The following PFKP variants were observed in gnomAD, a reference collection of about 807,000 sequenced individuals.
PFKP encodes the protein ATP-dependent 6-phosphofructokinase, platelet type.
PFKP carries 101 observed loss-of-function variants against 94.3 expected under a neutral mutation model. The ratio of observed to expected loss-of-function variants is 1.07; its 90% CI spans 0.91 to 1.26. PFKP has a LOEUF of 1.26. Ranked by LOEUF, PFKP falls within the 50% of genes most tolerant of loss-of-function variation. The probability of loss-of-function intolerance (pLI) is 0.00; values close to 1 mark genes in which losing one functional copy is unlikely to be tolerated. For missense variants in PFKP, 1,145 were observed against 1,103.3 expected (o/e 1.04, Z -0.53); for synonymous variants, 573 against 432.6 (o/e 1.32, Z -4.03).
In PFKP at chr10:3,104,381, T is replaced by C. The variant is rs144536674; in HGVS notation, c.620+437T>C. ...CCGAGGTGCTCTAGGCTCAGCAGGTTATCACTAAAGACTGTGGGGCGCACC... is the reference window on the plus strand; with the variant it reads ...CCGAGGTGCTCTAGGCTCAGCAGGTCATCACTAAAGACTGTGGGGCGCACC... On this transcript the variant is annotated intron_variant, in intron 5 of 21. Coordinates refer to ENST00000381125, the MANE Select transcript of PFKP (RefSeq NM_002627.5). Among the ~76,000 whole-genome samples, 234 of 152,310 alleles carry C rather than the reference T, an allele frequency of 1.5e-3. 1 individual carries two copies. Among genetic ancestry groups the C allele is most frequent in the Middle Eastern group, 6.8e-3 (2 of 294 alleles).
chr10:3,134,663 A>G, intron 20 of PFKP, 81 bp downstream of exon 20: 2 of 872,248 alleles, frequency 2.3e-6, no homozygotes. Context: ...TATCGGGGAG[A>G]AGTAGGGTGC....
intron 2 of PFKP, among the ~76,000 whole-genome samples, chr10:3,084,877 TCTCCAGCACGGTCCCCCACTC>T (rs1833396160): frequency 7.1e-5 from 1 of 14,028 alleles, no homozygotes; most frequent in Non-Finnish European, 1.3e-4. Context: ...CCCACTCCAC[TCTCCAGCACGGTCCCCCACTC>T]CACTCTCCAG....
At chr10:3,107,952 A>AG in intron 8 of PFKP, 1 of 1,289,712 alleles carries the variant, frequency 7.8e-7, no homozygotes, top group Non-Finnish European at 1.0e-6. Flanking sequence ...ACGGGGCAGA[A>AG]GACGTCCCCA....
intron 16 of PFKP, among the ~76,000 whole-genome samples, chr10:3,128,172 G>A (rs11251736): frequency 3.9e-5 from 6 of 151,906 alleles, no homozygotes; most frequent in Non-Finnish European, 5.9e-5. Context: ...CGCCTGCTGT[G>A]GGGGCTCGGC....
At chr10:3,096,810 G>A (rs1017937193) in intron 2 of PFKP, among the ~76,000 whole-genome samples, 2 of 149,576 alleles carry the variant, frequency 1.3e-5, no homozygotes, top group African/African-American at 2.5e-5. Flanking sequence ...CGGGTGCGGC[G>A]GCTCATGCCT....
At chr10:3,095,802 G>A (rs1436183607) in intron 2 of PFKP, among the ~76,000 whole-genome samples, 3 of 152,152 alleles carry the variant, frequency 2.0e-5, no homozygotes, top group East Asian at 1.9e-4. Context: ...GGTGAAAGAC[G>A]GCTTAGAACT....
At chr10:3,125,399 A>AT (rs147437896) in intron 16 of PFKP, 32,072 of 388,988 alleles carry the variant, frequency 0.082, 2,022 homozygotes, top group Non-Finnish European at 0.094. Context: ...ACAGGGTAAA[A>AT]TTTTTTTAGC....
At chr10:3,091,990 G>C (rs1263434642) in intron 2 of PFKP, among the ~76,000 whole-genome samples, 2 of 152,146 alleles carry the variant, frequency 1.3e-5, no homozygotes, top group Non-Finnish European at 2.9e-5. Context: ...TCAGATAAGT[G>C]ATGCCTTTTT....
intron 2 of PFKP, among the ~76,000 whole-genome samples, chr10:3,095,826 G>A (rs1361051711): frequency 3.9e-5 from 6 of 152,192 alleles, no homozygotes; most frequent in Non-Finnish European, 8.8e-5. Flanking sequence ...GCTGGTAGTT[G>A]CTTTTCACAT....
chr10:3,120,821 G>A (rs191617902), intron 16 of PFKP, among the ~76,000 whole-genome samples: 9 of 152,176 alleles, frequency 5.9e-5, no homozygotes, highest in African/African-American at 9.6e-5. Flanking sequence ...CACCATTCCC[G>A]GCTAAAAGAA....
intron 16 of PFKP, among the ~76,000 whole-genome samples, chr10:3,124,514 G>A (rs929296258): frequency 2.0e-5 from 3 of 152,230 alleles, no homozygotes; most frequent in Non-Finnish European, 4.4e-5. Flanking sequence ...GCTTGCCGAG[G>A]GCAGAAACGG....
rs1354802065 is a variant in PFKP at position 3,119,819 on chromosome 10, C to G, written c.1531-73C>G. The G allele has an allele frequency of 4.1e-6, 6 of 1,470,916 alleles. No homozygotes were observed. The African/African-American group carries it at 4.1e-5, about 10-fold the overall frequency. 91.1% of individuals were successfully genotyped at this position (1,470,916 alleles called of 1,614,324 possible). A position where few individuals can be genotyped will look rare whatever the true frequency, so the allele number is the denominator to read the frequency against. ...GCGTGCTGTGGTGGAGGTGGCGCTCCCAGCCTCTCCCAGCGAGACCCTCTC... is the reference window on the plus strand; with the variant it reads ...GCGTGCTGTGGTGGAGGTGGCGCTCGCAGCCTCTCCCAGCGAGACCCTCTC... On this transcript the variant is annotated intron_variant, in intron 15 of 21. Transcript: ENST00000381125.
chr10:3,092,333 G>T (rs1834110557), intron 2 of PFKP, among the ~76,000 whole-genome samples: 2 of 152,134 alleles, frequency 1.3e-5, no homozygotes. Context: ...TCTTTAGTTG[G>T]TCTCGTGGAG....
chr10:3,089,293 G>T (rs1833866439), intron 2 of PFKP, among the ~76,000 whole-genome samples: 1 of 152,182 alleles, frequency 6.6e-6, no homozygotes, highest in Non-Finnish European at 1.5e-5. Context: ...AAATGATGGG[G>T]TTTTCTCCTT....
chr10:3,105,652 G>A (rs1034907094), intron 7 of PFKP, 151 bp downstream of exon 7: 106 of 645,266 alleles, frequency 1.6e-4, no homozygotes, highest in East Asian at 4.9e-4. Context: ...GACTGTGAGC[G>A]TGGGGCATGT....
At chr10:3,108,182 G>T (rs907149053) in intron 8 of PFKP, among the ~76,000 whole-genome samples, 9 of 152,166 alleles carry the variant, frequency 5.9e-5, no homozygotes, top group African/African-American at 2.2e-4. Flanking sequence ...AATTTACGTA[G>T]CCCAGCCCCA....
At chr10:3,077,194 T>G (rs937276929) in intron 1 of PFKP, among the ~76,000 whole-genome samples, 1 of 149,892 alleles carries the variant, frequency 6.7e-6, no homozygotes, top group African/African-American at 2.5e-5. Context: ...CTCCAGACAA[T>G]GGAGGAGGTA....
intron 3 of PFKP, 151 bp downstream of exon 3, chr10:3,099,503 AT>A: frequency 1.5e-6 from 1 of 665,382 alleles, no homozygotes. Context: ...TTGTGGTTTG[AT>A]TTTTAGAAAT....
intron 16 of PFKP, among the ~76,000 whole-genome samples, chr10:3,120,949 T>C (rs1837341067): frequency 6.6e-6 from 1 of 152,246 alleles, no homozygotes; most frequent in Non-Finnish European, 1.5e-5. Context: ...TAAAAGTTTG[T>C]AGTAATTCTC....
Sources: allele counts gnomAD v4.1 joint callset (sites outside exome capture counted in the v4.1 genomes callset), GRCh38; gene constraint gnomAD v4.1.1; transcripts MANE v1.5; gene names NCBI Gene and HGNC (gene_info 2026-07-23, HGNC 2026-07-21).